Variants in TDRD9 observed in about 807,000 individuals in gnomAD.
The protein encoded by TDRD9 is ATP-dependent RNA helicase TDRD9.
A neutral mutation model predicts 172.6 loss-of-function variants in TDRD9; 124 were observed. The ratio of observed to expected loss-of-function variants is 0.72; its 90% CI spans 0.62 to 0.83. The LOEUF is 0.83. TDRD9 is among the 40% of genes least tolerant of loss of function. The pLI is 0.00. For missense variants in TDRD9, 1,479 were observed against 1,714.1 expected, an observed-to-expected ratio of 0.86 and a Z score of 2.42; for synonymous variants, 619 against 617.1, an observed-to-expected ratio of 1.00 and a Z score of -0.05.
At chr14:104,051,936 A>G (rs748259543) in intron 35 of TDRD9, 45 bp from the exon 36 acceptor site, 8 of 1,296,690 alleles carry the variant, frequency 6.2e-6, no homozygotes, top group African/African-American at 1.5e-5. Flanking sequence ...TGTCTGGAAA[A>G]GCCCTGTCAC....
At chr14:104,024,140 T>C (rs899292148) in intron 24 of TDRD9, among the ~76,000 whole-genome samples, 3 of 152,174 alleles carry the variant, frequency 2.0e-5, no homozygotes, top group African/African-American at 4.8e-5. Flanking sequence ...TTTTCTAACA[T>C]AGCATTGAGC....
chr14:103,940,840 ATTC>A, intron 1 of TDRD9: 3 of 1,535,298 alleles, frequency 2.0e-6, no homozygotes, highest in Non-Finnish European at 2.6e-6. Flanking sequence ...TAGGTTCCAT[ATTC>A]TGTGTGAGAA....
intron 20 of TDRD9, among the ~76,000 whole-genome samples, chr14:104,010,343 A>G (rs2034575329): frequency 6.6e-6 from 1 of 151,942 alleles, no homozygotes; most frequent in Non-Finnish European, 1.5e-5. Flanking sequence ...TATTTGTTAA[A>G]CTTTTTTGTT....
At chr14:103,966,979 A>G in intron 5 of TDRD9, 148 bp downstream of exon 5, 1 of 751,006 alleles carries the variant, frequency 1.3e-6, no homozygotes, top group Non-Finnish European at 1.9e-6. Flanking sequence ...GTAAGGATGG[A>G]ATGTTTTTTG....
chr14:103,999,139 G>A lies in TDRD9; in HGVS notation c.1483+411G>A, dbSNP rs117773808. ...ATTCATTTTTTGCACTTTTTACTTA[G>A]ATATTTCCTTTCTTGGAACGAGTTT... On this transcript the variant is annotated intron_variant, in intron 13 of 35. Transcript: ENST00000409874. Among the ~76,000 whole-genome samples, 1,405 of 152,256 alleles carry A rather than the reference G, an allele frequency of 9.2e-3. 14 individuals carry two copies. Among genetic ancestry groups the A allele is most frequent in the Non-Finnish European group, 0.015 (1,046 of 68,014 alleles).
At chr14:103,953,244 C>T (rs1279386738) in intron 1 of TDRD9, among the ~76,000 whole-genome samples, 2 of 152,172 alleles carry the variant, frequency 1.3e-5, no homozygotes, top group Non-Finnish European at 2.9e-5. Flanking sequence ...CCATACCCTT[C>T]TGCTCCCTAC....
At chr14:103,996,819 G>A (rs1230273121) in intron 12 of TDRD9, among the ~76,000 whole-genome samples, 1 of 152,204 alleles carries the variant, frequency 6.6e-6, no homozygotes, top group Non-Finnish European at 1.5e-5. Context: ...ATTGGGTAGG[G>A]AGTGTCAGGG....
At chr14:103,955,858 C>T (rs2032167753) in intron 2 of TDRD9, 88 bp downstream of exon 2, 1 of 1,115,522 alleles carries the variant, frequency 9.0e-7, no homozygotes, top group Non-Finnish European at 1.3e-6. Context: ...GCCTGTAATT[C>T]CAGCTACTCA....
At chr14:104,017,226 C>T (rs1227509247) in intron 22 of TDRD9, among the ~76,000 whole-genome samples, 1 of 151,872 alleles carries the variant, frequency 6.6e-6, no homozygotes, top group African/African-American at 2.4e-5. Flanking sequence ...TGCCTGCATC[C>T]CTCGACCACA....
chr14:103,940,789 C>G, intron 1 of TDRD9: 1 of 1,510,930 alleles, frequency 6.6e-7, no homozygotes, highest in Non-Finnish European at 8.9e-7. Flanking sequence ...ATAAAAACCC[C>G]TCTAGTTGTA....
intron 13 of TDRD9, among the ~76,000 whole-genome samples, chr14:103,999,643 A>ACATTTAATCTTTTAATGTTCCT (rs1566771643): frequency 7.7e-6 from 1 of 130,468 alleles, no homozygotes; most frequent in African/African-American, 3.0e-5. Context: ...TGTTTTTTAG[A>ACATTTAATCTTTTAATGTTCCT]AAACCTTTTG....
intron 19 of TDRD9, among the ~76,000 whole-genome samples, chr14:104,007,911 GGGACCACA>G (rs1476951674): frequency 6.6e-6 from 1 of 151,922 alleles, no homozygotes; most frequent in Non-Finnish European, 1.5e-5. Context: ...CCGAGCAGCT[GGGACCACA>G]GGTGCCCGCC....
At chr14:104,013,883 G>A (rs1302274819) in intron 20 of TDRD9, 4 of 150,608 alleles carry the variant, frequency 2.7e-5, no homozygotes, top group East Asian at 2.0e-4. Flanking sequence ...TTGTGCCTGT[G>A]AATAGCCACT....
At chr14:103,951,016 T>C (rs1325773121) in intron 1 of TDRD9, among the ~76,000 whole-genome samples, 1 of 152,232 alleles carries the variant, frequency 6.6e-6, no homozygotes, top group East Asian at 1.9e-4. Context: ...ACTACTAATT[T>C]TTCCCTTTAA....
intron 12 of TDRD9, among the ~76,000 whole-genome samples, 174 bp downstream of exon 12, chr14:103,995,981 C>T (rs981226252): frequency 6.6e-6 from 1 of 152,246 alleles, no homozygotes. Flanking sequence ...TTCACCACCA[C>T]CTCCTCTGAG....
At chr14:103,955,805 G>A in intron 2 of TDRD9, 35 bp downstream of exon 2, 1 of 1,499,068 alleles carries the variant, frequency 6.7e-7, no homozygotes, top group Admixed American at 2.0e-5. Context: ...TAGATAGGAT[G>A]CATGAGTGGT....
At chr14:103,938,440 A>C (rs10142320) in intron 1 of TDRD9, among the ~76,000 whole-genome samples, 1 of 44,548 alleles carries the variant, frequency 2.2e-5, no homozygotes, top group Non-Finnish European at 3.7e-5. Context: ...ATATATATAT[A>C]TTTTTTTTTT....
intron 7 of TDRD9, 150 bp from the exon 8 acceptor site, chr14:103,986,067 T>G: frequency 1.5e-6 from 1 of 652,238 alleles, no homozygotes; most frequent in Non-Finnish European, 2.7e-6. Context: ...CAGCACGTGT[T>G]CAGACATTGC....
chr14:103,970,737 C>A, intron 6 of TDRD9, 116 bp downstream of exon 6: 1 of 764,984 alleles, frequency 1.3e-6, no homozygotes, highest in African/African-American at 1.8e-5. Flanking sequence ...CGGACAGATA[C>A]TAAAATCTGA....
Sources: gnomAD v4.1 joint callset for allele counts (sites outside exome capture counted in the v4.1 genomes callset) on GRCh38, gnomAD v4.1.1 for gene constraint, MANE v1.5 for transcripts, NCBI Gene and HGNC (gene_info 2026-07-23, HGNC 2026-07-21) for gene names.